HDAC9: variants seen among roughly 807,000 people sequenced by gnomAD.
HDAC9 encodes MEF-2 interacting transcription repressor (MITR) protein.
A neutral mutation model predicts 139.4 loss-of-function variants in HDAC9; 41 were observed. The ratio of observed to expected loss-of-function variants is 0.29; its 90% CI spans 0.23 to 0.38. The LOEUF (loss-of-function observed/expected upper bound fraction) is 0.38, where lower values mean the gene tolerates loss of function less well. HDAC9 is among the 10% of genes least tolerant of loss of function. The pLI, the probability that HDAC9 is intolerant of heterozygous loss-of-function variation, is 1.00. For missense variants in HDAC9, 1,147 were observed against 1,297.0 expected (o/e 0.88, Z 1.78); for synonymous variants, 517 against 476.2 (o/e 1.09, Z -1.12).
In HDAC9 at chr7:18,794,138, G is replaced by A. The variant is rs533105279; in HGVS notation, c.2322+686G>A. On this transcript the variant is annotated intron_variant, in intron 17 of 25. Transcript: ENST00000686413. ...ACAGTGCTATTTAAAGGTACGCCAT[G>A]TGCGTCTTGAATGCAGTTACCCCAA... Among the ~76,000 whole-genome samples, 5 of 152,284 alleles carry A rather than the reference G, an allele frequency of 3.3e-5. No individual in the cohort carries two copies. In the South Asian group the frequency reaches 1.0e-3, roughly 32 times the overall value.
At chr7:18,372,745 A>G (rs2128703813) in intron 1 of HDAC9, among the ~76,000 whole-genome samples, 1 of 151,806 alleles carries the variant, frequency 6.6e-6, no homozygotes, top group South Asian at 2.1e-4. Context: ...GACTAGCTGA[A>G]CAGCTTCTGG....
chr7:18,482,379 C>T (rs1795623777), intron 1 of HDAC9, among the ~76,000 whole-genome samples: 1 of 6,300 alleles, frequency 1.6e-4, no homozygotes, highest in African/African-American at 8.5e-4. Context: ...CCTGGACTCA[C>T]CAAAAAAAAA....
chr7:18,902,410 AAAG>A (rs1436887046), intron 22 of HDAC9, among the ~76,000 whole-genome samples: 5 of 152,176 alleles, frequency 3.3e-5, no homozygotes, highest in African/African-American at 1.2e-4. Context: ...TTTAGCCAAA[AAAG>A]AAGGAGAAAA....
At chr7:18,202,356 A>G (rs1303335663) in intron 2 of HDAC9, among the ~76,000 whole-genome samples, 1 of 152,114 alleles carries the variant, frequency 6.6e-6, no homozygotes, top group Admixed American at 6.6e-5. Flanking sequence ...AGCCCAGATA[A>G]TATTTAAGTT....
chr7:18,776,209 C>T (rs1399062956), intron 16 of HDAC9, among the ~76,000 whole-genome samples: 5 of 152,044 alleles, frequency 3.3e-5, no homozygotes, highest in Admixed American at 2.0e-4. Context: ...TCCCAAACTG[C>T]TAGGATTAGA....
At chr7:18,987,202 G>A (rs890077463) in intron 25 of HDAC9, among the ~76,000 whole-genome samples, 27 of 152,206 alleles carry the variant, frequency 1.8e-4, no homozygotes, top group African/African-American at 5.3e-4. Flanking sequence ...TTGGCTGTGG[G>A]TTTGTCATAG....
intron 1 of HDAC9, among the ~76,000 whole-genome samples, chr7:18,098,129 C>T (rs1413673532): frequency 6.6e-6 from 1 of 152,152 alleles, no homozygotes; most frequent in African/African-American, 2.4e-5. Flanking sequence ...AGATGTAATC[C>T]CATCATGACA....
At chr7:18,862,107 A>T (rs924616071) in intron 21 of HDAC9, among the ~76,000 whole-genome samples, 2 of 152,172 alleles carry the variant, frequency 1.3e-5, no homozygotes, top group East Asian at 3.9e-4. Flanking sequence ...GCAGTGAAAT[A>T]GTTTGCTCTC....
chr7:18,771,276 G>A lies in HDAC9; in HGVS notation c.2214+4121G>A, dbSNP rs148807120. ...TTTTACTCTGTTCATATTCTGTTTGGTTACACCTAGATCTGACACACTTAG... is the reference window on the plus strand; with the variant it reads ...TTTTACTCTGTTCATATTCTGTTTGATTACACCTAGATCTGACACACTTAG... On this transcript the variant is annotated intron_variant, in intron 16 of 25. Transcript: ENST00000686413. Among the ~76,000 whole-genome samples the A allele has an allele frequency of 8.5e-4, 129 of 152,138 alleles. 1 individual carries two copies. The highest frequency in any genetic ancestry group is 3.0e-3 in the African/African-American group (125 of 41,514).
At chr7:18,319,940 A>G (rs563779099) in intron 1 of HDAC9, among the ~76,000 whole-genome samples, 13 of 152,182 alleles carry the variant, frequency 8.5e-5, no homozygotes, top group Non-Finnish European at 1.5e-4. Flanking sequence ...TAGTTACTCT[A>G]GCAGGTTTTT....
intron 1 of HDAC9, among the ~76,000 whole-genome samples, chr7:18,417,004 G>A (rs1207227561): frequency 6.6e-6 from 1 of 152,018 alleles, no homozygotes; most frequent in Non-Finnish European, 1.5e-5. Flanking sequence ...TGAGTTTATA[G>A]ATTTCATTAA....
chr7:18,790,001 G>C (rs1018154468), intron 16 of HDAC9, among the ~76,000 whole-genome samples: 2 of 152,122 alleles, frequency 1.3e-5, no homozygotes, highest in African/African-American at 4.8e-5. Context: ...TTACCATTGA[G>C]AATATTGGAA....
At chr7:18,676,535 A>G (rs1282993495) in intron 12 of HDAC9, among the ~76,000 whole-genome samples, 3 of 152,022 alleles carry the variant, frequency 2.0e-5, no homozygotes, top group African/African-American at 7.2e-5. Context: ...CATCTTAGAT[A>G]TATTTTGGTC....
At chr7:18,635,602 A>G (rs544929966) in intron 8 of HDAC9, among the ~76,000 whole-genome samples, 1 of 152,106 alleles carries the variant, frequency 6.6e-6, no homozygotes, top group Non-Finnish European at 1.5e-5. Flanking sequence ...GAAGTCATCA[A>G]CAATTGACTG....
At chr7:18,719,135 T>C (rs988123135) in intron 12 of HDAC9, among the ~76,000 whole-genome samples, 10 of 152,152 alleles carry the variant, frequency 6.6e-5, no homozygotes, top group East Asian at 1.9e-4. Flanking sequence ...TCATTTTCAA[T>C]TGGATTGCCT....
At chr7:18,388,591 C>T (rs931661068) in intron 1 of HDAC9, among the ~76,000 whole-genome samples, 2 of 152,136 alleles carry the variant, frequency 1.3e-5, no homozygotes, top group Admixed American at 6.5e-5. Context: ...TAGTCAGTTC[C>T]GTGACCAGGA....
intron 8 of HDAC9, among the ~76,000 whole-genome samples, chr7:18,641,651 G>A (rs1785624960): frequency 6.6e-6 from 1 of 152,032 alleles, no homozygotes; most frequent in Admixed American, 6.6e-5. Context: ...CAAAGTATTG[G>A]CATCATAGCA....
chr7:19,001,768 G>A lies in HDAC9; in HGVS notation c.*5706G>A, dbSNP rs1391356841. 1 of 152,022 alleles carries A rather than the reference G, an allele frequency of 6.6e-6. No homozygotes were observed. The highest frequency in any genetic ancestry group is 2.4e-5 in the African/African-American group (1 of 41,426). 9.4% of individuals were successfully genotyped at this position (152,022 alleles called of 1,614,324 possible). A position where few individuals can be genotyped will look rare whatever the true frequency, so the allele number is the denominator to read the frequency against. On this transcript the variant is annotated 3_prime_UTR_variant, in exon 26 of 26. Transcript: ENST00000686413. ...AGTGGTTTCTAGGTATAACAAACAA[G>A]CCGTTAAAAATGAGTGACCATTTTG...
At chr7:18,928,565 C>A (rs1282072439) in intron 22 of HDAC9, among the ~76,000 whole-genome samples, 1 of 152,116 alleles carries the variant, frequency 6.6e-6, no homozygotes, top group East Asian at 1.9e-4. Flanking sequence ...GTATATTAAA[C>A]TAAAAACCTA....
Sources: gnomAD v4.1 joint callset for allele counts (sites outside exome capture counted in the v4.1 genomes callset) on GRCh38, gnomAD v4.1.1 for gene constraint, MANE v1.5 for transcripts, NCBI Gene and HGNC (gene_info 2026-07-23, HGNC 2026-07-21) for gene names.